Variants in KIRREL3 observed in about 807,000 individuals in gnomAD.
KIRREL3 encodes kin of IRRE-like protein 3.
KIRREL3 carries 36 observed loss-of-function variants against 89.7 expected under a neutral mutation model. The ratio of observed to expected loss-of-function variants is 0.40; its 90% confidence interval spans 0.31 to 0.53. KIRREL3 has a LOEUF of 0.53. Among genes scored for constraint, KIRREL3 ranks in the 20% least tolerant of loss-of-function variants. KIRREL3 has a pLI of 0.49. For missense variants in KIRREL3, 864 were observed against 1,056.6 expected (o/e 0.82, Z 2.53); for synonymous variants, 445 against 441.4 (o/e 1.01, Z -0.10).
In KIRREL3 at chr11:126,522,436, C is replaced by A. The variant is rs898723620; in HGVS notation, c.284-972G>T. Among the ~76,000 whole-genome samples, 4 of 152,212 alleles carry A rather than the reference C, an allele frequency of 2.6e-5. No homozygotes were observed. The highest frequency in any genetic ancestry group is 5.9e-5 in the Non-Finnish European group (4 of 68,032). On this transcript the variant is annotated intron_variant, in intron 3 of 16. Coordinates refer to ENST00000525144, the MANE Select transcript of KIRREL3 (RefSeq NM_032531.4). This position sits in a 1 kb window ranked among gnomAD's most constrained non-coding sequence, Gnocchi z 6.0. ...TGGGTCACTTTGAGTCACAGTGGAC[C>A]CTGTCTAGTCATTCCTCCTGTCCCG...
At chr11:126,634,440 C>T (rs1944180234) in intron 1 of KIRREL3, among the ~76,000 whole-genome samples, 1 of 152,200 alleles carries the variant, frequency 6.6e-6, no homozygotes, top group Non-Finnish European at 1.5e-5. Context: ...CCCAGGCTAA[C>T]ATCTACCCTC....
intron 1 of KIRREL3, among the ~76,000 whole-genome samples, chr11:126,839,009 G>A (rs879259838): frequency 9.2e-5 from 14 of 152,182 alleles, no homozygotes; most frequent in Non-Finnish European, 1.6e-4. Flanking sequence ...TACTGCATGG[G>A]CTGCCTCCAA....
At chr11:126,583,975 T>C (rs1032156970) in intron 1 of KIRREL3, among the ~76,000 whole-genome samples, 18 of 152,222 alleles carry the variant, frequency 1.2e-4, no homozygotes, top group Non-Finnish European at 2.2e-4. Context: ...CCGCGGCAAC[T>C]ATCCCCATGT....
At chr11:126,937,250 A>G (rs1342985399) in intron 1 of KIRREL3, 2 of 152,204 alleles carry the variant, frequency 1.3e-5, no homozygotes, top group South Asian at 2.1e-4. Flanking sequence ...AATGCCTCCC[A>G]TTTATCTCAG....
At position 126,496,091 on chromosome 11, in the gene KIRREL3, G is replaced by A. The variant is rs1957648741; in HGVS notation, c.434-22625C>T. Among the ~76,000 whole-genome samples, 1 of 152,170 alleles carries A rather than the reference G, an allele frequency of 6.6e-6. No individual in the cohort carries two copies. Among genetic ancestry groups the A allele is most frequent in the South Asian group, 2.1e-4 (1 of 4,832 alleles). On this transcript the variant is annotated intron_variant, in intron 4 of 16. Transcript: ENST00000525144. This position sits in a 1 kb window ranked among gnomAD's most constrained non-coding sequence, Gnocchi z 4.9. ...GATCCAGAACCATTCAGCTAAGCCA[G>A]GCTCAGTTTCTTGACCTGCAGAAAC...
chr11:126,424,939 C>T lies in KIRREL3; in HGVS notation c.1978G>A (p.Asp660Asn), dbSNP rs759935395. 56 of 1,598,888 alleles carry T rather than the reference C, an allele frequency of 3.5e-5. No individual in the cohort carries two copies. Among genetic ancestry groups the T allele is most frequent in the Non-Finnish European group, 4.3e-5 (50 of 1,169,454 alleles). Residue 660 changes from aspartate to asparagine, a missense_variant, in exon 17 of 17, where the codon GAC (aspartate) becomes AAC (asparagine). Physicochemically the swap from Asp to Asn is conservative, Grantham distance 23. Transcript: ENST00000525144. ...CGCTGCTTGCCCGCAGGACGCAGGT[C>T]GGGCTGGCAGCTGGAGAGGGAGATG... The part of the protein sequence containing the change: ...PTISLSSCQP[D>N]LRPAGKQRVP...
In KIRREL3 at chr11:126,736,830, A is replaced by T. The variant is rs552328392; in HGVS notation, c.56-173918T>A. Among the ~76,000 whole-genome samples the T allele has an allele frequency of 1.1e-4, 16 of 152,156 alleles. No individual in the cohort carries two copies. Among genetic ancestry groups the T allele is most frequent in the Non-Finnish European group, 2.2e-4 (15 of 68,022 alleles). ...CAAAGGCTGCTGGGAATCACCATACATCCCCCACAGTCCTCCCCCACCCTG... is the reference window on the plus strand; with the variant it reads ...CAAAGGCTGCTGGGAATCACCATACTTCCCCCACAGTCCTCCCCCACCCTG... On this transcript the variant is annotated intron_variant, in intron 1 of 16. Transcript: ENST00000525144. The surrounding 1 kb of genome is among the most constrained non-coding windows in gnomAD (Gnocchi z 5.0).
At chr11:126,540,713 A>T (rs562867857) in intron 2 of KIRREL3, among the ~76,000 whole-genome samples, 285 of 152,312 alleles carry the variant, frequency 1.9e-3, no homozygotes, top group African/African-American at 6.5e-3. Flanking sequence ...GAGCCCATCC[A>T]TCCCTGCCCG....
chr11:126,559,746 T>C (rs1215919293), intron 2 of KIRREL3, among the ~76,000 whole-genome samples: 1 of 152,170 alleles, frequency 6.6e-6, no homozygotes, highest in Non-Finnish European at 1.5e-5. Flanking sequence ...CTTGGCTCAC[T>C]GCAGCCTCTG....
rs553141145 is a variant in KIRREL3 at position 126,906,042 on chromosome 11, G to A, written c.55+94413C>T. On this transcript the variant is annotated intron_variant, in intron 1 of 16. Transcript: ENST00000525144. The surrounding 1 kb of genome is among the most constrained non-coding windows in gnomAD (Gnocchi z 4.1). ...AAGCAGATGCTTTGTAGAACAAAAT[G>A]CCAGGCCGACTTCAAGGCCGGGAGG... is the stretch of plus-strand genomic sequence containing the variant. 6.6e-6 allele frequency among the ~76,000 whole-genome samples: 1 copy of A among 152,324 alleles called. No homozygotes were observed. Among genetic ancestry groups the A allele is most frequent in the East Asian group, 1.9e-4 (1 of 5,182 alleles).
intron 2 of KIRREL3, among the ~76,000 whole-genome samples, chr11:126,532,885 A>T: frequency 6.6e-6 from 1 of 151,712 alleles, no homozygotes; most frequent in East Asian, 1.9e-4. Flanking sequence ...TAAAATGGCT[A>T]TTTAATATAA....
chr11:126,885,319 G>T (rs1287340991), intron 1 of KIRREL3, among the ~76,000 whole-genome samples: 2 of 152,162 alleles, frequency 1.3e-5, no homozygotes, highest in Non-Finnish European at 2.9e-5. Flanking sequence ...ATCTTCTACA[G>T]TGTCCATGTT....
chr11:126,625,709 A>G (rs1591834351), intron 1 of KIRREL3, among the ~76,000 whole-genome samples: 1 of 152,212 alleles, frequency 6.6e-6, no homozygotes, highest in South Asian at 2.1e-4. Context: ...TATTTTATAC[A>G]AGTGATTCCT....
intron 1 of KIRREL3, among the ~76,000 whole-genome samples, chr11:126,784,424 T>C (rs1438983455): frequency 1.3e-5 from 2 of 152,190 alleles, no homozygotes; most frequent in Non-Finnish European, 2.9e-5. Context: ...GCTAGAATAA[T>C]AATAATAATA....
chr11:126,596,096 C>T (rs1039236161), intron 1 of KIRREL3, among the ~76,000 whole-genome samples: 33 of 152,164 alleles, frequency 2.2e-4, no homozygotes, highest in African/African-American at 9.7e-5. Context: ...GTGAACCCAA[C>T]GGAAAGCCCT....
Position 126,463,248 on chromosome 11 carries a change from A to G in KIRREL3, c.651T>C (p.Gly217=), listed in dbSNP as rs1290247326. ...SIVSTLFISP[G]DVENGQSIVC... Reference sequence around the variant, plus strand: ...CGATGCTCTGGCCATTCTCCACGTCACCAGGGGAGATGAAGAGGGTGCTGA... The same window carrying G: ...CGATGCTCTGGCCATTCTCCACGTCGCCAGGGGAGATGAAGAGGGTGCTGA... Residue 217 remains glycine (G), a synonymous_variant, in exon 6 of 17, where the codon GGT becomes GGC. Transcript: ENST00000525144. This position sits in a 1 kb window ranked among gnomAD's most constrained non-coding sequence, Gnocchi z 5.9. 6.2e-7 allele frequency: 1 copy of G among 1,613,840 alleles called. No homozygotes were observed. The highest frequency in any genetic ancestry group is 1.1e-5 in the South Asian group (1 of 91,060).
In KIRREL3 at chr11:126,912,515, C is replaced by T. The variant is rs754353951; in HGVS notation, c.55+87940G>A. Reference sequence around the variant, plus strand: ...GTAGGCATCAACCAAGAACATATCACACTCACCTACAAAACAAGCAACCCA... The same window carrying T: ...GTAGGCATCAACCAAGAACATATCATACTCACCTACAAAACAAGCAACCCA... On this transcript the variant is annotated intron_variant, in intron 1 of 16. Coordinates refer to ENST00000525144, the MANE Select transcript of KIRREL3 (RefSeq NM_032531.4). The surrounding 1 kb of genome is among the most constrained non-coding windows in gnomAD (Gnocchi z 4.7). 6.6e-6 allele frequency among the ~76,000 whole-genome samples: 1 copy of T among 152,204 alleles called. No homozygotes were observed. Among genetic ancestry groups the T allele is most frequent in the Non-Finnish European group, 1.5e-5 (1 of 68,034 alleles).
At position 126,431,529 on chromosome 11, in the gene KIRREL3, G is replaced by A. The variant is rs1361891874; in HGVS notation, c.1589-3C>T. 9 of 1,613,222 alleles carry A rather than the reference G, an allele frequency of 5.6e-6. No individual in the cohort carries two copies. Among genetic ancestry groups the A allele is most frequent in the Non-Finnish European group, 7.6e-6 (9 of 1,179,602 alleles). On this transcript the variant is annotated splice_region_variant and splice_polypyrimidine_tract_variant and intron_variant, in intron 13 of 16. Coordinates refer to ENST00000525144, the MANE Select transcript of KIRREL3 (RefSeq NM_032531.4). The surrounding 1 kb of genome is among the most constrained non-coding windows in gnomAD (Gnocchi z 7.1). ...GATGACGGCCATCGGCACAGACTCT[G>A]TGGGAGAGAAGCGGGCACAGCTGAT...
intron 1 of KIRREL3, among the ~76,000 whole-genome samples, chr11:126,878,431 T>C (rs1383171358): frequency 1.3e-5 from 2 of 152,144 alleles, no homozygotes; most frequent in Non-Finnish European, 1.5e-5. Flanking sequence ...CTACTATTTT[T>C]TTCAAAACTG....
Sources: allele counts gnomAD v4.1 joint callset (sites outside exome capture counted in the v4.1 genomes callset), GRCh38; gene constraint gnomAD v4.1.1; non-coding constraint Gnocchi (gnomAD v3.1); transcripts MANE v1.5; gene names NCBI Gene and HGNC (gene_info 2026-07-23, HGNC 2026-07-21).